LRP1: variants seen among roughly 807,000 people sequenced by gnomAD.
LRP1 encodes prolow-density lipoprotein receptor-related protein 1.
A neutral mutation model predicts 541.5 loss-of-function variants in LRP1; 51 were observed. The observed-to-expected ratio is 0.09, with a 90% confidence interval of 0.08 to 0.12. The LOEUF (loss-of-function observed/expected upper bound fraction) is 0.12, where lower values mean the gene tolerates loss of function less well. Ranked by LOEUF, LRP1 falls within the 10% of genes least tolerant of loss-of-function variation. The pLI is 1.00. For missense variants in LRP1, 3,878 were observed against 6,376.2 expected (o/e 0.61, Z 13.34); for synonymous variants, 2,219 against 2,470.8 (o/e 0.90, Z 3.02).
At position 57,200,547 on chromosome 12, in the gene LRP1, C is replaced by T; in HGVS notation, c.10108+12C>T. 6.2e-7 allele frequency: 1 copy of T among 1,610,724 alleles called. No homozygotes were observed. Among genetic ancestry groups the T allele is most frequent in the Non-Finnish European group, 8.5e-7 (1 of 1,177,454 alleles). ...GCCCCCGGACTGCCGTGAGTGCCTG[C>T]TGGGGGTGACAGGAGGGCCCCCAGC... On this transcript the variant is annotated intron_variant, in intron 63 of 88. Transcript: ENST00000243077.
At position 57,210,093 on chromosome 12, in the gene LRP1, C is replaced by G; in HGVS notation, c.12504C>G (p.Val4168=). The G allele has an allele frequency of 1.2e-6, 2 of 1,613,776 alleles. No individual in the cohort carries two copies. The highest frequency in any genetic ancestry group is 1.7e-6 in the Non-Finnish European group (2 of 1,179,880). ...WLCLLSPSGP[V]CTCPNGKRLD... ...GCCTGCTGAGCCCCAGTGGGCCTGT[C>G]TGCACCTGTCCCAATGGGAAGCGGC... Residue 4168 remains valine, a synonymous_variant, in exon 81 of 89, where the codon GTC becomes GTG. Transcript: ENST00000243077.
At chr12:57,135,170 C>T (rs896101727) in intron 1 of LRP1, among the ~76,000 whole-genome samples, 2 of 152,250 alleles carry the variant, frequency 1.3e-5, no homozygotes, top group Non-Finnish European at 2.9e-5. Flanking sequence ...CACCGTATTT[C>T]CAATCAGTGG....
In LRP1 at chr12:57,205,848, G is replaced by C; in HGVS notation, c.11590+171G>C. The C allele has an allele frequency of 9.7e-7, 1 of 1,026,144 alleles. No individual in the cohort carries two copies. The highest frequency in any genetic ancestry group is 1.4e-6 in the Non-Finnish European group (1 of 722,512). 63.6% of individuals were successfully genotyped at this position (1,026,144 alleles called of 1,614,324 possible). On this transcript the variant is annotated intron_variant, in intron 75 of 88. Transcript: ENST00000243077. This position sits in a 1 kb window ranked among gnomAD's most constrained non-coding sequence, Gnocchi z 4.6. ...CAGTGCTGGCCCAGCAGTGGGGGCA[G>C]GTCCTGGGGCTGGCTGACTGAAGGA... is the stretch of plus-strand genomic sequence containing the variant.
At chr12:57,136,797 C>T (rs73340537) in intron 1 of LRP1, among the ~76,000 whole-genome samples, 199 of 152,256 alleles carry the variant, frequency 1.3e-3, no homozygotes, top group African/African-American at 4.7e-3. Context: ...AGCTATTTGA[C>T]CCTGGCCAAG....
intron 34 of LRP1, among the ~76,000 whole-genome samples, chr12:57,181,800 G>C (rs552779956): frequency 6.6e-6 from 1 of 152,290 alleles, no homozygotes; most frequent in South Asian, 2.1e-4. Flanking sequence ...CAGAGTGTGA[G>C]ATGATGGGCC....
intron 1 of LRP1, among the ~76,000 whole-genome samples, chr12:57,137,325 T>G (rs1367936993): frequency 2.2e-5 from 3 of 138,862 alleles, no homozygotes; most frequent in African/African-American, 5.4e-5. Context: ...GGGGTAGGAG[T>G]GGAAGAAGCC....
In LRP1 at chr12:57,197,041, C is replaced by T. The variant is rs144936776; in HGVS notation, c.8952C>T (p.Asp2984=). ...ACGGCCGGACGTGTGCTGATGTGGA[C>T]GAGTGCAGCACCACCTTCCCCTGCA... The part of the protein sequence containing the change: ...KDDGRTCADV[D]ECSTTFPCSQ... The change falls in exon 56 of 89, where the codon GAC becomes GAT. Residue 2984 remains aspartate (D), a synonymous_variant. Coordinates refer to ENST00000243077, the MANE Select transcript of LRP1 (RefSeq NM_002332.3). The surrounding 1 kb of genome is among the most constrained non-coding windows in gnomAD (Gnocchi z 4.5). The T allele has an allele frequency of 8.9e-5, 144 of 1,614,018 alleles. No homozygotes were observed. The African/African-American group carries it at 1.8e-3, about 20-fold the overall frequency.
At chr12:57,176,932 G>A in intron 24 of LRP1, 109 bp from the exon 25 acceptor site, 1 of 887,290 alleles carries the variant, frequency 1.1e-6, no homozygotes, top group South Asian at 1.4e-5. Flanking sequence ...CAGAAACTTT[G>A]GCAGAAGTGC....
chr12:57,186,058 A>C, intron 41 of LRP1, 150 bp downstream of exon 41: 8 of 920,706 alleles, frequency 8.7e-6, no homozygotes, highest in Non-Finnish European at 9.5e-6. Context: ...CAGTTACATG[A>C]CTCCTGATTT....
intron 1 of LRP1, among the ~76,000 whole-genome samples, chr12:57,131,402 T>G (rs551958817): frequency 6.6e-6 from 1 of 152,164 alleles, no homozygotes; most frequent in South Asian, 2.1e-4. Context: ...TGGGGAACAT[T>G]TTCTAGTGGG....
chr12:57,139,441 ATATC>A (rs2035241719), intron 2 of LRP1, among the ~76,000 whole-genome samples: 1 of 152,006 alleles, frequency 6.6e-6, no homozygotes, highest in South Asian at 2.1e-4. Flanking sequence ...TTCAGCAAGT[ATATC>A]TACGGCATGG....
intron 70 of LRP1, chr12:57,203,781 A>C: frequency 2.2e-6 from 1 of 458,304 alleles, no homozygotes; most frequent in East Asian, 3.8e-5. Context: ...TTGAGCTGAA[A>C]TCCAGCAAAC....
intron 60 of LRP1, 134 bp downstream of exon 60, chr12:57,198,804 T>C: frequency 1.1e-6 from 1 of 890,022 alleles, no homozygotes. Flanking sequence ...CACCACTCAC[T>C]GGGGTGTGGG....
rs199882471 is a variant in LRP1 at position 57,205,496 on chromosome 12, G to A, written c.11470+11G>A. The A allele has an allele frequency of 2.4e-5, 38 of 1,610,868 alleles. No homozygotes were observed. The East Asian group carries it at 5.1e-4, about 22-fold the overall frequency. On this transcript the variant is annotated intron_variant, in intron 74 of 88. Coordinates refer to ENST00000243077, the MANE Select transcript of LRP1 (RefSeq NM_002332.3). The surrounding 1 kb of genome is among the most constrained non-coding windows in gnomAD (Gnocchi z 4.6). ...AGCCCGGATGCCAAGGTAGGAAAGC[G>A]GGGCAGAGCAGGGGTGGACACCCCA...
In LRP1 at chr12:57,197,693, A is replaced by G. The variant is rs762721709; in HGVS notation, c.9282+29A>G. On this transcript the variant is annotated intron_variant, in intron 58 of 88. Transcript: ENST00000243077. The surrounding 1 kb of genome is among the most constrained non-coding windows in gnomAD (Gnocchi z 4.5). The stretch of plus-strand genomic sequence containing the variant: ...AGGCGGGCGGCCCTCGGCGACCAAC[A>G]CTGGCCCGCCTCAGATGACTGTTTT... 1 of 1,606,368 alleles carries G rather than the reference A, an allele frequency of 6.2e-7. No individual in the cohort carries two copies. The highest frequency in any genetic ancestry group is 1.1e-5 in the South Asian group (1 of 90,648).
chr12:57,179,184 G>C lies in LRP1; in HGVS notation c.4739-145G>C. 1 of 1,192,564 alleles carries C rather than the reference G, an allele frequency of 8.4e-7. No homozygotes were observed. The highest frequency in any genetic ancestry group is 1.2e-6 in the Non-Finnish European group (1 of 849,506). The allele number at this position is 1,192,564 out of a possible 1,614,324, so 73.9% of individuals were successfully genotyped here. On this transcript the variant is annotated intron_variant, in intron 28 of 88. Coordinates refer to ENST00000243077, the MANE Select transcript of LRP1 (RefSeq NM_002332.3). The surrounding 1 kb of genome is among the most constrained non-coding windows in gnomAD (Gnocchi z 6.8). ...GTGAGAAGGGGCTGCAGGTCTGCCA[G>C]GGGGGCTGCACCCAGCGGGGTATGT... is the stretch of plus-strand genomic sequence containing the variant.
Position 57,205,093 on chromosome 12 carries a change from C to A in LRP1, c.11195-16C>A. On this transcript the variant is annotated splice_polypyrimidine_tract_variant and intron_variant, in intron 72 of 88. Transcript: ENST00000243077. The surrounding 1 kb of genome is among the most constrained non-coding windows in gnomAD (Gnocchi z 4.6). The stretch of plus-strand genomic sequence containing the variant: ...AGGGGAGAATACCCAGGGCCTAAAG[C>A]CTCTGCCCTCCTCAGAGCCCCCCAC... The A allele has an allele frequency of 6.2e-7, 1 of 1,609,144 alleles. No individual in the cohort carries two copies. The highest frequency in any genetic ancestry group is 2.2e-5 in the East Asian group (1 of 44,804).
Position 57,173,456 on chromosome 12 carries a change from GTGGTGC to G in LRP1, c.3346+110_3346+115del. Reference sequence around the variant, plus strand: ...AGGGGATGGCACTGTGCTGTGTGGAGTGGTGCTGGGGACAGTGCAAGGCAAAAGGCA... The same window carrying G: ...AGGGGATGGCACTGTGCTGTGTGGAGTGGGGACAGTGCAAGGCAAAAGGCA... On this transcript the variant is annotated intron_variant, in intron 21 of 88. Transcript: ENST00000243077. This position sits in a 1 kb window ranked among gnomAD's most constrained non-coding sequence, Gnocchi z 4.7. The G allele has an allele frequency of 4.7e-6, 6 of 1,269,022 alleles. No individual in the cohort carries two copies. Among genetic ancestry groups the G allele is most frequent in the Non-Finnish European group, 5.5e-6 (5 of 912,230 alleles). 78.6% of individuals were successfully genotyped at this position (1,269,022 alleles called of 1,614,324 possible).
chr12:57,151,636 G>A (rs1263942511), intron 6 of LRP1, among the ~76,000 whole-genome samples: 1 of 152,218 alleles, frequency 6.6e-6, no homozygotes, highest in African/African-American at 2.4e-5. Context: ...GACTCCACCT[G>A]GACCCCAATT....
Sources: allele counts gnomAD v4.1 joint callset (sites outside exome capture counted in the v4.1 genomes callset), GRCh38; gene constraint gnomAD v4.1.1; non-coding constraint Gnocchi (gnomAD v3.1); transcripts MANE v1.5; gene names NCBI Gene and HGNC (gene_info 2026-07-23, HGNC 2026-07-21).